Variants in AKAP9 observed in about 807,000 individuals in gnomAD.
AKAP9 encodes A-kinase anchor protein 9.
AKAP9 carries 311 observed loss-of-function variants against 488.5 expected under a neutral mutation model. The ratio of observed to expected loss-of-function variants is 0.64; its 90% CI spans 0.58 to 0.70. The LOEUF (loss-of-function observed/expected upper bound fraction) is 0.70, where lower values mean the gene tolerates loss of function less well. Ranked by LOEUF, AKAP9 falls within the 30% of genes least tolerant of loss-of-function variation. AKAP9 has a pLI of 0.00. For missense variants in AKAP9, 4,215 were observed against 4,374.5 expected (o/e 0.96, Z 1.03); for synonymous variants, 1,462 against 1,483.5 (o/e 0.99, Z 0.33).
Position 92,097,749 on chromosome 7 carries a change from G to A in AKAP9, c.10562G>A (p.Cys3521Tyr). The A allele has an allele frequency of 6.2e-7, 1 of 1,614,206 alleles. No homozygotes were observed. The highest frequency in any genetic ancestry group is 2.2e-5 in the East Asian group (1 of 44,882). ...ELEMIRQKLQ[C>Y]VASKLQVLPQ... ...GAAATGATCAGACAAAAGCTTCAATGTGTAGCTTCAAAACTACAGGTTCTA... is the reference window on the plus strand; with the variant it reads ...GAAATGATCAGACAAAAGCTTCAATATGTAGCTTCAAAACTACAGGTTCTA... Residue 3521 changes from cysteine (C) to tyrosine (Y), a missense_variant, in exon 42 of 50, where the codon TGT becomes TAT. By Grantham distance (194) the Cys-to-Tyr change is radical. Transcript: ENST00000356239.
At chr7:91,995,493 T>G (rs1798285053) in intron 6 of AKAP9, 110 bp from the exon 7 acceptor site, 1 of 926,824 alleles carries the variant, frequency 1.1e-6, no homozygotes, top group Non-Finnish European at 1.7e-6. Flanking sequence ...TGCTAGGGTC[T>G]CAAGCCTGCA....
At chr7:92,065,556 T>C (rs2130831137) in intron 25 of AKAP9, 93 bp downstream of exon 25, 1 of 918,662 alleles carries the variant, frequency 1.1e-6, no homozygotes, top group South Asian at 1.6e-5. Context: ...AAAAGACTGT[T>C]GAGTTAGTTT....
chr7:91,994,801 T>G, intron 6 of AKAP9, 25 bp downstream of exon 6: 1 of 1,588,016 alleles, frequency 6.3e-7, no homozygotes, highest in Non-Finnish European at 8.6e-7. Context: ...TGCAACAAAA[T>G]TCATTATTTT....
Position 92,001,147 on chromosome 7 carries a change from A to G in AKAP9, c.1230A>G (p.Lys410=), listed in dbSNP as rs1401263978. ...AAGAACTTCAGAAGAGAAATCATAA[A>G]GACAGCCAGTTCGAAACTGATATAG... The part of the protein sequence containing the change: ...TVEELQKRNH[K]DSQFETDIVQ... The change falls in exon 8 of 50, where the codon AAA becomes AAG. Residue 410 remains lysine (K), a synonymous_variant. Transcript: ENST00000356239. The G allele has an allele frequency of 2.5e-6, 4 of 1,614,088 alleles. No homozygotes were observed. Among genetic ancestry groups the G allele is most frequent in the Non-Finnish European group, 3.4e-6 (4 of 1,179,962 alleles).
intron 14 of AKAP9, among the ~76,000 whole-genome samples, chr7:92,027,827 C>T (rs867939456): frequency 4.5e-4 from 68 of 152,084 alleles, no homozygotes; most frequent in Admixed American, 3.7e-3. Context: ...GCCATAATGA[C>T]GATGGCGGTT....
At chr7:92,070,860 G>T in intron 27 of AKAP9, 45 bp from the exon 28 acceptor site, 1 of 1,371,218 alleles carries the variant, frequency 7.3e-7, no homozygotes, top group South Asian at 1.3e-5. Flanking sequence ...TGGATAATCA[G>T]GATTTAATTT....
intron 21 of AKAP9, among the ~76,000 whole-genome samples, chr7:92,047,485 C>G (rs1385285650): frequency 6.6e-6 from 1 of 152,200 alleles, no homozygotes; most frequent in Non-Finnish European, 1.5e-5. Flanking sequence ...TCCCAAAGTG[C>G]TAGAATTACA....
chr7:91,968,764 T>C (rs966790391), intron 1 of AKAP9, among the ~76,000 whole-genome samples: 3 of 152,224 alleles, frequency 2.0e-5, no homozygotes, highest in African/African-American at 7.2e-5. Flanking sequence ...CTTTATCACA[T>C]AGATTTTGGT....
chr7:92,040,655 T>C lies in AKAP9; in HGVS notation c.4693-19T>C. On this transcript the variant is annotated intron_variant, in intron 17 of 49. Transcript: ENST00000356239. ...GTGTTATGGTTGAATTGTTTTTTTT[T>C]TTTTTTTTACTATTAAAGATTCATG... The C allele has an allele frequency of 6.8e-7, 1 of 1,471,754 alleles. No homozygotes were observed. Among genetic ancestry groups the C allele is most frequent in the Non-Finnish European group, 9.2e-7 (1 of 1,083,820 alleles). 91.2% of individuals were successfully genotyped at this position (1,471,754 alleles called of 1,614,324 possible).
At position 92,001,205 on chromosome 7, in the gene AKAP9, T is replaced by A. The variant is rs756987149; in HGVS notation, c.1288T>A (p.Leu430Ile). 9.9e-6 allele frequency: 16 copies of A among 1,613,778 alleles called. No individual in the cohort carries two copies. Among genetic ancestry groups the A allele is most frequent in the Non-Finnish European group, 1.2e-5 (14 of 1,179,880 alleles). The change falls in exon 8 of 50, where the codon TTA (leucine) becomes ATA (isoleucine). Residue 430 changes from leucine (L) to isoleucine (I), a missense_variant. This residue lies in a region of AKAP9 where 2,361 missense variants were observed against 2,430.0 expected (regional missense o/e 0.97). Transcript: ENST00000356239. The stretch of plus-strand genomic sequence containing the variant: ...AATGGAACAAGAAACACAAAGAAAG[T>A]TAGAACAACTCCGGGCAGAGCTGGA... ...QRMEQETQRK[L>I]EQLRAELDEM... is the part of the protein sequence containing the mutation.
In AKAP9 at chr7:91,973,754, G is replaced by A. The variant is rs750027434; in HGVS notation, c.92G>A (p.Ser31Asn). ...AGAAAAGCTCAGTCGGATGGGCAGAGTCCTTCCAAGAAGCAGAAAAAAAAG... is the reference window on the plus strand; with the variant it reads ...AGAAAAGCTCAGTCGGATGGGCAGAATCCTTCCAAGAAGCAGAAAAAAAAG... ...RQRKAQSDGQSPSKKQKKKRK... is the reference protein window; with the variant it reads ...RQRKAQSDGQNPSKKQKKKRK... Residue 31 changes from serine to asparagine, a missense_variant, in exon 2 of 50, where the codon AGT becomes AAT. By Grantham distance (46) the Ser-to-Asn change is conservative. Around this residue, in one of 5 missense-constraint regions of AKAP9, gnomAD observed 2,361 missense variants for 2,430.0 expected, o/e 0.97. Transcript: ENST00000356239. 1.2e-6 allele frequency: 2 copies of A among 1,613,708 alleles called. No individual in the cohort carries two copies. Among genetic ancestry groups the A allele is most frequent in the Non-Finnish European group, 1.7e-6 (2 of 1,179,972 alleles).
At chr7:91,961,587 G>A (rs1940664118) in intron 1 of AKAP9, among the ~76,000 whole-genome samples, 1 of 152,062 alleles carries the variant, frequency 6.6e-6, no homozygotes, top group African/African-American at 2.4e-5. Context: ...GCTCACGCCT[G>A]TAATCCCAGC....
chr7:92,024,689 A>G (rs2130736476), intron 14 of AKAP9, among the ~76,000 whole-genome samples: 1 of 152,264 alleles, frequency 6.6e-6, no homozygotes, highest in Non-Finnish European at 1.5e-5. Flanking sequence ...ATGCTATAGT[A>G]TATAACTAGC....
intron 4 of AKAP9, 125 bp downstream of exon 4, chr7:91,992,336 T>G: frequency 1.2e-6 from 1 of 809,950 alleles, no homozygotes; most frequent in East Asian, 2.5e-5. Flanking sequence ...ATTTTAATGT[T>G]TACTAAAACA....
In AKAP9 at chr7:92,002,388, T is replaced by C; in HGVS notation, c.2471T>C (p.Ile824Thr). 2.5e-6 allele frequency: 4 copies of C among 1,610,918 alleles called. No homozygotes were observed. Among genetic ancestry groups the C allele is most frequent in the Non-Finnish European group, 3.4e-6 (4 of 1,178,864 alleles). Residue 824 changes from isoleucine (I) to threonine (T), a missense_variant, in exon 8 of 50, where the codon ATA (isoleucine) becomes ACA (threonine). Coordinates refer to ENST00000356239, the MANE Select transcript of AKAP9 (RefSeq NM_005751.5). Reference sequence around the variant, plus strand: ...TCTGTGTGGGAAAAAGAAATAGAAATACTTATAGAGGAAAATGAGGACCTC... The same window carrying C: ...TCTGTGTGGGAAAAAGAAATAGAAACACTTATAGAGGAAAATGAGGACCTC... Reference protein sequence around the residue: ...KDSVWEKEIEILIEENEDLKQ... With the variant: ...KDSVWEKEIETLIEENEDLKQ...
intron 1 of AKAP9, among the ~76,000 whole-genome samples, chr7:91,956,399 C>CAAA (rs554292233): frequency 1.8e-5 from 2 of 108,116 alleles, no homozygotes; most frequent in Non-Finnish European, 4.1e-5. Context: ...GACTCTGTCT[C>CAAA]AAAAAAAAAA....
intron 49 of AKAP9, chr7:92,109,075 A>T: frequency 3.7e-6 from 1 of 272,196 alleles, no homozygotes; most frequent in East Asian, 5.9e-5. Flanking sequence ...AGAAAGTGGT[A>T]AGGCATGCAA....
At chr7:92,104,515 G>A (rs4512319) in intron 46 of AKAP9, among the ~76,000 whole-genome samples, 46,278 of 152,010 alleles carry the variant, frequency 0.3, 7,662 homozygotes, top group Non-Finnish European at 0.37. Flanking sequence ...ATATGGCACA[G>A]TTTTTTAATT....
rs1019663076 is a variant in AKAP9 at position 92,061,330 on chromosome 7, A to G, written c.5672A>G (p.Glu1891Gly). ...ESFRQKQEATESLKCQEELRE... is the reference protein window; with the variant it reads ...ESFRQKQEATGSLKCQEELRE... Reference sequence around the variant, plus strand: ...TTTAGACAGAAACAAGAAGCAACAGAGTCCCTTAAGTGCCAAGAGGAACTT... The same window carrying G: ...TTTAGACAGAAACAAGAAGCAACAGGGTCCCTTAAGTGCCAAGAGGAACTT... The change falls in exon 23 of 50, where the codon GAG becomes GGG. Residue 1891 changes from glutamate to glycine, a missense_variant. This residue lies in a region of AKAP9 where 2,361 missense variants were observed against 2,430.0 expected (regional missense o/e 0.97). Transcript: ENST00000356239. The G allele has an allele frequency of 6.2e-7, 1 of 1,613,196 alleles. No individual in the cohort carries two copies. Among genetic ancestry groups the G allele is most frequent in the Non-Finnish European group, 8.5e-7 (1 of 1,179,536 alleles).
Sources: gnomAD v4.1 joint callset for allele counts (sites outside exome capture counted in the v4.1 genomes callset) on GRCh38, gnomAD v4.1.1 for gene constraint, gnomAD v4.1.1 regional missense constraint, MANE v1.5 for transcripts, NCBI Gene and HGNC (gene_info 2026-07-23, HGNC 2026-07-21) for gene names.